BRI3BP: variants seen among roughly 807,000 people sequenced by gnomAD.
The protein encoded by BRI3BP is BRI3-binding protein.
In BRI3BP, 7 loss-of-function variants were observed where a neutral mutation model predicts 15.8. That is an observed-to-expected ratio of 0.44 (90% CI 0.25 to 0.83). The LOEUF (loss-of-function observed/expected upper bound fraction) is 0.83, where lower values mean the gene tolerates loss of function less well. Among genes scored for constraint, BRI3BP ranks in the 40% least tolerant of loss-of-function variants. The pLI is 0.20. For synonymous variants in BRI3BP, 192 were observed against 163.5 expected, an observed-to-expected ratio of 1.17 and a Z score of -1.33; for missense variants, 320 against 339.3, an observed-to-expected ratio of 0.94 and a Z score of 0.45.
At chr12:125,044,152 GT>G in the BRI3BP span, among the ~76,000 whole-genome samples, 1 of 149,652 alleles carries the variant, frequency 6.7e-6, no homozygotes, top group East Asian at 2.0e-4. Context: ...TGTTTTGGTT[GT>G]TTTTTTGTGT....
intron 2 of BRI3BP, among the ~76,000 whole-genome samples, chr12:125,016,740 C>G (rs992769834): frequency 6.7e-6 from 1 of 149,998 alleles, no homozygotes; most frequent in African/African-American, 2.5e-5. Flanking sequence ...GTTGGCCAGG[C>G]TGGTCTTGAG....
the BRI3BP span, among the ~76,000 whole-genome samples, chr12:125,047,420 G>T: frequency 6.6e-6 from 1 of 151,884 alleles, no homozygotes; most frequent in Non-Finnish European, 1.5e-5. Flanking sequence ...TGATCCACCC[G>T]CCTCCGCCTC....
intron 1 of BRI3BP, among the ~76,000 whole-genome samples, chr12:125,003,979 AC>A (rs1955119888): frequency 6.6e-6 from 1 of 151,046 alleles, no homozygotes; most frequent in Admixed American, 6.6e-5. Context: ...ACACACACAC[AC>A]ACACACACAC....
chr12:125,004,482 T>A lies in BRI3BP; in HGVS notation c.214-8052T>A, dbSNP rs544082552. ...ACCATGCCTGGCCCTAAGCCTTTTT[T>A]AAAAAAAAATTAACTTTATTCTTTT... is the stretch of plus-strand genomic sequence containing the variant. On this transcript the variant is annotated intron_variant, in intron 1 of 2. Transcript: ENST00000341446. 2.1e-4 allele frequency among the ~76,000 whole-genome samples: 32 copies of A among 152,012 alleles called. No individual in the cohort carries two copies. In the East Asian group the frequency reaches 2.3e-3, roughly 11 times the overall value.
chr12:124,994,053 C>T, intron 1 of BRI3BP, 50 bp downstream of exon 1: 1 of 1,181,096 alleles, frequency 8.5e-7, no homozygotes, highest in South Asian at 2.8e-5. Flanking sequence ...TCGCCACGCA[C>T]CTGGCTACCG....
intron 1 of BRI3BP, among the ~76,000 whole-genome samples, chr12:124,996,192 G>A (rs1158296662): frequency 6.6e-6 from 1 of 152,102 alleles, no homozygotes; most frequent in Admixed American, 6.6e-5. Context: ...GGGATTACAG[G>A]TGTGAGCCAT....
chr12:125,014,867 CGT>C (rs1221772786), intron 2 of BRI3BP, among the ~76,000 whole-genome samples: 1 of 152,130 alleles, frequency 6.6e-6, no homozygotes, highest in Non-Finnish European at 1.5e-5. Context: ...TTCCTGGGCT[CGT>C]GATCCTCCCA....
rs754278632 is a variant in BRI3BP, at chr12:124,993,880, G to A, written c.90G>A (p.Pro30=). ...LLLLLLGLLA[P]GAQGARGRGG... ...TGCTGCTGCTCGGGCTGCTGGCCCC[G>A]GGCGCGCAGGGGGCGCGGGGCCGCG... Residue 30 remains proline (P), a synonymous_variant, in exon 1 of 3, where the codon CCG becomes CCA. Coordinates refer to ENST00000341446, the MANE Select transcript of BRI3BP (RefSeq NM_080626.6). 2 of 1,236,454 alleles carry A rather than the reference G, an allele frequency of 1.6e-6. No homozygotes were observed. Among genetic ancestry groups the A allele is most frequent in the South Asian group, 2.6e-5 (1 of 38,516 alleles). 76.6% of individuals were successfully genotyped at this position (1,236,454 alleles called of 1,614,324 possible).
chr12:125,048,592 C>G, the BRI3BP span, among the ~76,000 whole-genome samples: 1 of 151,726 alleles, frequency 6.6e-6, no homozygotes, highest in African/African-American at 2.4e-5. Context: ...GGAGATATAC[C>G]TAATGCTAAA....
At position 125,025,760 on chromosome 12, in the gene BRI3BP, C is replaced by A; in HGVS notation, c.*330C>A. 6 of 205,828 alleles carry A rather than the reference C, an allele frequency of 2.9e-5. No individual in the cohort carries two copies. The highest frequency in any genetic ancestry group is 1.7e-4 in the South Asian group (1 of 5,724). 12.8% of individuals were successfully genotyped at this position (205,828 alleles called of 1,614,324 possible). A position where few individuals can be genotyped will look rare whatever the true frequency, so the allele number is the denominator to read the frequency against. On this transcript the variant is annotated 3_prime_UTR_variant, in exon 3 of 3. Transcript: ENST00000341446. ...GTTAATTTTTTCAAGCATTTAAATA[C>A]ATCTTTTGTAAGGTTTTTTAATAAA... is the stretch of plus-strand genomic sequence containing the variant.
Position 125,025,187 on chromosome 12 carries a change from G to T in BRI3BP, c.513G>T (p.Val171=). 6.2e-7 allele frequency: 1 copy of T among 1,614,096 alleles called. No homozygotes were observed. The highest frequency in any genetic ancestry group is 8.5e-7 in the Non-Finnish European group (1 of 1,180,014). ...TCGTCCTGTTTTCCATGTCCTGCGTGTACATCCTGCACAAGTACGAGGGCG... is the reference window on the plus strand; with the variant it reads ...TCGTCCTGTTTTCCATGTCCTGCGTTTACATCCTGCACAAGTACGAGGGCG... ...VRVVLFSMSC[V]YILHKYEGEP... Residue 171 remains valine, a synonymous_variant, in exon 3 of 3, where the codon GTG becomes GTT. Coordinates refer to ENST00000341446, the MANE Select transcript of BRI3BP (RefSeq NM_080626.6).
chr12:125,018,049 G>A (rs1474421231), intron 2 of BRI3BP, among the ~76,000 whole-genome samples: 2 of 152,218 alleles, frequency 1.3e-5, no homozygotes, highest in East Asian at 1.9e-4. Context: ...ACACTCGGGG[G>A]CTTACAAAGG....
At chr12:125,034,361 A>G (rs1955427945), downstream of BRI3BP, among the ~76,000 whole-genome samples, 1 of 152,158 alleles carries the variant, frequency 6.6e-6, no homozygotes, top group South Asian at 2.1e-4. Context: ...TTTTAAAAAA[A>G]GAAAAACAAA....
intron 1 of BRI3BP, among the ~76,000 whole-genome samples, chr12:125,000,601 C>T (rs11057966): frequency 0.059 from 8,956 of 152,184 alleles, 404 homozygotes; most frequent in Admixed American, 0.14. Flanking sequence ...CGTGAGCCAC[C>T]ACGCCCAGCC....
At chr12:125,015,963 G>C (rs914403674) in intron 2 of BRI3BP, among the ~76,000 whole-genome samples, 2 of 152,094 alleles carry the variant, frequency 1.3e-5, no homozygotes, top group Non-Finnish European at 2.9e-5. Context: ...CTGTGTTTTC[G>C]TCGCCACCCA....
At chr12:125,006,969 TG>T (rs1448807057) in intron 1 of BRI3BP, among the ~76,000 whole-genome samples, 1 of 151,802 alleles carries the variant, frequency 6.6e-6, no homozygotes, top group Non-Finnish European at 1.5e-5. Context: ...GAGGTCAAGG[TG>T]GGTGGATCAT....
downstream of BRI3BP, among the ~76,000 whole-genome samples, chr12:125,032,877 A>C (rs561168751): frequency 6.6e-6 from 1 of 152,188 alleles, no homozygotes. Context: ...GATTAAGAGG[A>C]ATGTCAAGTA....
At position 125,029,360 on chromosome 12, in the gene BRI3BP, C is replaced by CAAAAAAAAAAAAAAAAAAAA. The variant is rs10572574; in HGVS notation, c.*3934_*3953dup. 1.3e-5 allele frequency: 1 copy of CAAAAAAAAAAAAAAAAAAAA among 78,688 alleles called. No individual in the cohort carries two copies. The highest frequency in any genetic ancestry group is 2.4e-5 in the Non-Finnish European group (1 of 42,134). 4.9% of individuals were successfully genotyped at this position (78,688 alleles called of 1,614,324 possible). A position where few individuals can be genotyped will look rare whatever the true frequency, so the allele number is the denominator to read the frequency against. On this transcript the variant is annotated 3_prime_UTR_variant, in exon 3 of 3. Coordinates refer to ENST00000341446, the MANE Select transcript of BRI3BP (RefSeq NM_080626.6). ...GAAATCCCGTCTCTACCAAAAAATA[C>CAAAAAAAAAAAAAAAAAAAA]AAAAAAAAAAAAAAAAAAAAAAATA...
the BRI3BP span, among the ~76,000 whole-genome samples, chr12:125,047,747 G>C: frequency 6.6e-6 from 1 of 151,346 alleles, no homozygotes; most frequent in African/African-American, 2.4e-5. Context: ...CCCAGGCTGC[G>C]GTGCAGTGGC....
Sources: gnomAD v4.1 joint callset for allele counts (sites outside exome capture counted in the v4.1 genomes callset) on GRCh38, gnomAD v4.1.1 for gene constraint, MANE v1.5 for transcripts, NCBI Gene and HGNC (gene_info 2026-07-23, HGNC 2026-07-21) for gene names.